Variants in ATP10A observed in about 807,000 individuals in gnomAD.
ATP10A encodes ATPase phospholipid transporting 10A (putative), also known as phospholipid-transporting ATPase VA.
ATP10A carries 111 observed loss-of-function variants against 147.8 expected under a neutral mutation model. The ratio of observed to expected loss-of-function variants is 0.75; its 90% CI spans 0.64 to 0.88. The LOEUF is 0.88. Among genes scored for constraint, ATP10A ranks in the 40% least tolerant of loss-of-function variants. The pLI is 0.00. For synonymous variants in ATP10A, 875 were observed against 841.6 expected (o/e 1.04, Z -0.69); for missense variants, 1,927 against 1,959.0 (o/e 0.98, Z 0.31).
At chr15:25,717,668 G>A (rs946951180) in intron 8 of ATP10A, among the ~76,000 whole-genome samples, 6 of 152,184 alleles carry the variant, frequency 3.9e-5, no homozygotes, top group Admixed American at 1.3e-4. Context: ...AAGCAAGGGG[G>A]ATTCATCCCC....
At chr15:25,775,964 C>A (rs1257407389) in intron 2 of ATP10A, among the ~76,000 whole-genome samples, 1 of 152,194 alleles carries the variant, frequency 6.6e-6, no homozygotes, top group South Asian at 2.1e-4. Context: ...AGACTTCAAC[C>A]GTCTATCCAA....
At position 25,736,097 on chromosome 15, in the gene ATP10A, G is replaced by A. The variant is rs201580207; in HGVS notation, c.699C>T (p.Cys233=). The A allele has an allele frequency of 4.3e-6, 7 of 1,613,506 alleles. No individual in the cohort carries two copies. The highest frequency in any genetic ancestry group is 4.5e-5 in the East Asian group (2 of 44,890). ...NPLTFTSVIE[C]EKPNNDLSRF... ...TACTCAGGTCGTTGTTTGGCTTCTC[G>A]CATTCGATCACGCTGGTGAACGTCA... Residue 233 remains cysteine (C), a synonymous_variant, in exon 3 of 21, where the codon TGC becomes TGT. Transcript: ENST00000555815.
At chr15:25,798,353 G>A (rs937631543) in intron 1 of ATP10A, among the ~76,000 whole-genome samples, 1 of 152,154 alleles carries the variant, frequency 6.6e-6, no homozygotes. Context: ...GGAGGCGTGG[G>A]GGAAACCAGT....
intron 16 of ATP10A, among the ~76,000 whole-genome samples, chr15:25,685,893 G>A (rs143425012): frequency 4.2e-4 from 64 of 151,356 alleles, no homozygotes; most frequent in Non-Finnish European, 8.5e-4. Flanking sequence ...ACAAGTGATA[G>A]AAAGGGGGCT....
chr15:25,693,214 G>A (rs1370289686), intron 14 of ATP10A, among the ~76,000 whole-genome samples: 1 of 151,906 alleles, frequency 6.6e-6, no homozygotes, highest in East Asian at 1.9e-4. Flanking sequence ...GTAGAGATGG[G>A]GACTCACTAT....
intron 16 of ATP10A, among the ~76,000 whole-genome samples, chr15:25,686,699 T>C (rs1899721707): frequency 9.3e-6 from 1 of 107,546 alleles, no homozygotes; most frequent in Non-Finnish European, 1.7e-5. Context: ...GAGTTTATTT[T>C]GTCTCTTTGT....
chr15:25,821,720 T>C (rs1891899074), intron 1 of ATP10A, among the ~76,000 whole-genome samples: 1 of 152,206 alleles, frequency 6.6e-6, no homozygotes, highest in African/African-American at 2.4e-5. Context: ...CATTGTAGTC[T>C]TTAGAAATCA....
chr15:25,683,332 A>G lies in ATP10A; in HGVS notation c.3446T>C (p.Val1149Ala). 6.2e-7 allele frequency: 1 copy of G among 1,614,162 alleles called. No individual in the cohort carries two copies. The highest frequency in any genetic ancestry group is 1.7e-5 in the Admixed American group (1 of 60,022). ...GTAGAGCTGCGGGTTGGTCAGCAGC[A>G]CATTGGCTGGCACATCCCTGTCCAG... is the stretch of plus-strand genomic sequence containing the variant. ...GVLDRDVPAN[V>A]LLTNPQLYKS... Residue 1149 changes from valine (V) to alanine (A), a missense_variant, in exon 17 of 21, where the codon GTG becomes GCG. Val to Ala is a moderately conservative substitution (Grantham distance 64). Coordinates refer to ENST00000555815, the MANE Select transcript of ATP10A (RefSeq NM_024490.4).
chr15:25,806,782 A>G (rs1343949210), intron 1 of ATP10A, among the ~76,000 whole-genome samples: 2 of 152,244 alleles, frequency 1.3e-5, no homozygotes, highest in Admixed American at 1.3e-4. Flanking sequence ...CAAAAGTCAA[A>G]CACAGGTTTT....
At chr15:25,790,521 A>G (rs1416850331) in intron 1 of ATP10A, among the ~76,000 whole-genome samples, 3 of 152,196 alleles carry the variant, frequency 2.0e-5, no homozygotes, top group African/African-American at 7.2e-5. Flanking sequence ...TTTTAGAATG[A>G]AGAAAGGATG....
chr15:25,709,299 C>T (rs532980379), intron 10 of ATP10A: 28 of 152,276 alleles, frequency 1.8e-4, no homozygotes, highest in Admixed American at 1.6e-3. Context: ...TTTACATTTC[C>T]CGAAAGGATG....
chr15:25,759,161 C>T (rs1282108340), intron 2 of ATP10A, among the ~76,000 whole-genome samples: 1 of 152,188 alleles, frequency 6.6e-6, no homozygotes, highest in East Asian at 1.9e-4. Flanking sequence ...ATAGAAGTAA[C>T]TTGCCTTGCT....
intron 6 of ATP10A, among the ~76,000 whole-genome samples, chr15:25,722,190 A>G (rs2140425474): frequency 1.3e-5 from 2 of 152,296 alleles, no homozygotes; most frequent in East Asian, 3.9e-4. Flanking sequence ...GAAGCAAGCA[A>G]GTTGTGCTTG....
At chr15:25,760,915 G>C (rs1888726095) in intron 2 of ATP10A, among the ~76,000 whole-genome samples, 1 of 152,180 alleles carries the variant, frequency 6.6e-6, no homozygotes, top group Non-Finnish European at 1.5e-5. Context: ...ATTTATCTAA[G>C]AGATGTGTCT....
intron 13 of ATP10A, among the ~76,000 whole-genome samples, chr15:25,698,077 G>A (rs1248713548): frequency 2.6e-5 from 4 of 152,082 alleles, no homozygotes; most frequent in Non-Finnish European, 5.9e-5. Flanking sequence ...GTAATGTAGT[G>A]TTCTGGATGG....
intron 4 of ATP10A, among the ~76,000 whole-genome samples, chr15:25,726,313 T>C (rs1299999565): frequency 6.6e-6 from 1 of 152,124 alleles, no homozygotes; most frequent in Non-Finnish European, 1.5e-5. Context: ...GAGAACGAAA[T>C]GGAAAGAAAT....
intron 9 of ATP10A, 76 bp downstream of exon 9, chr15:25,716,654 G>C: frequency 7.2e-7 from 1 of 1,380,316 alleles, no homozygotes; most frequent in South Asian, 1.5e-5. Context: ...AAGGGCGCCT[G>C]CCCTCAGGAG....
At chr15:25,715,318 T>C (rs1223151430) in intron 9 of ATP10A, among the ~76,000 whole-genome samples, 1 of 152,136 alleles carries the variant, frequency 6.6e-6, no homozygotes, top group East Asian at 1.9e-4. Context: ...TGGCTCCAAA[T>C]GTCCTCGAAG....
intron 1 of ATP10A, among the ~76,000 whole-genome samples, chr15:25,817,498 A>T (rs996513527): frequency 6.6e-6 from 1 of 152,254 alleles, no homozygotes; most frequent in African/African-American, 2.4e-5. Context: ...TGAAATGCAA[A>T]TATTAGCAAT....
Sources: allele counts gnomAD v4.1 joint callset (sites outside exome capture counted in the v4.1 genomes callset), GRCh38; gene constraint gnomAD v4.1.1; transcripts MANE v1.5; gene names NCBI Gene and HGNC (gene_info 2026-07-23, HGNC 2026-07-21).